REV1: variants seen among roughly 807,000 people sequenced by gnomAD.
REV1 encodes the protein REV1 DNA directed polymerase, also known as translesion synthesis protein REV1.
Under a neutral mutation model 137.4 loss-of-function variants are expected in REV1, and 42 were observed. The ratio of observed to expected loss-of-function variants is 0.31; its 90% CI spans 0.24 to 0.40. REV1 has a LOEUF of 0.40. Among genes scored for constraint, REV1 ranks in the 10% least tolerant of loss-of-function variants. REV1 has a pLI of 1.00. For missense variants in REV1, 1,282 were observed against 1,490.1 expected (o/e 0.86, Z 2.30); for synonymous variants, 524 against 519.2 (o/e 1.01, Z -0.12).
At chr2:99,431,621 G>T in intron 8 of REV1, 1 of 596,158 alleles carries the variant, frequency 1.7e-6, no homozygotes, top group Non-Finnish European at 2.1e-6. Context: ...CTAAGATATT[G>T]TCTTGAAAAT....
intron 1 of REV1, among the ~76,000 whole-genome samples, chr2:99,479,326 C>CA (rs60839666): frequency 0.18 from 17,260 of 96,646 alleles, 1,691 homozygotes; most frequent in African/African-American, 0.3. Context: ...GACTCTGTCT[C>CA]AAAAAAAAAA....
chr2:99,459,096 T>A (rs1170367286), intron 3 of REV1, among the ~76,000 whole-genome samples: 2 of 151,912 alleles, frequency 1.3e-5, no homozygotes, highest in East Asian at 3.9e-4. Flanking sequence ...TAGTCCCAGC[T>A]ACTCGGGAGG....
At chr2:99,457,328 G>A (rs571817158) in intron 3 of REV1, among the ~76,000 whole-genome samples, 2 of 152,282 alleles carry the variant, frequency 1.3e-5, no homozygotes, top group African/African-American at 4.8e-5. Context: ...TGATCTACAG[G>A]TTTAATGTAA....
At chr2:99,472,708 T>C (rs750026851) in intron 1 of REV1, among the ~76,000 whole-genome samples, 2 of 152,198 alleles carry the variant, frequency 1.3e-5, no homozygotes, top group South Asian at 4.1e-4. Flanking sequence ...TTACTTTGAA[T>C]TGGCAGTAGT....
At chr2:99,427,117 GGTT>G (rs1679491615) in intron 9 of REV1, among the ~76,000 whole-genome samples, 1 of 152,120 alleles carries the variant, frequency 6.6e-6, no homozygotes, top group Non-Finnish European at 1.5e-5. Context: ...GGGAGGCAGG[GGTT>G]GCAGTGAGCC....
intron 12 of REV1, 129 bp from the exon 13 acceptor site, chr2:99,413,080 A>ACT: frequency 1.4e-6 from 1 of 693,206 alleles, no homozygotes. Flanking sequence ...AGGCAACATA[A>ACT]CTGAAGCATC....
intron 3 of REV1, among the ~76,000 whole-genome samples, chr2:99,454,277 C>A (rs529762233): frequency 6.6e-6 from 1 of 151,910 alleles, no homozygotes; most frequent in Non-Finnish European, 1.5e-5. Context: ...AGGCTGGGCA[C>A]GGTGGGTCAC....
chr2:99,401,549 C>G (rs1315760095), intron 22 of REV1, among the ~76,000 whole-genome samples, 197 bp from the exon 23 acceptor site: 1 of 151,666 alleles, frequency 6.6e-6, no homozygotes, highest in African/African-American at 2.4e-5. Context: ...GAGTTTGAGA[C>G]CAGCCTGGCC....
At chr2:99,459,590 T>C (rs1683941193) in intron 3 of REV1, among the ~76,000 whole-genome samples, 1 of 151,782 alleles carries the variant, frequency 6.6e-6, no homozygotes, top group South Asian at 2.1e-4. Flanking sequence ...CTTGAGGTCC[T>C]AGCTACTTGG....
intron 4 of REV1, among the ~76,000 whole-genome samples, chr2:99,443,920 G>A (rs373482406): frequency 1.3e-5 from 2 of 151,464 alleles, no homozygotes; most frequent in Non-Finnish European, 2.9e-5. Context: ...TCGGCTTCAC[G>A]CCATTCTCCT....
chr2:99,403,751 T>C lies in REV1; in HGVS notation c.3110A>G (p.Asp1037Gly), dbSNP rs1559276616. The part of the protein sequence containing the change: ...ELQRELKAAY[D>G]QRQRQGENST... The stretch of plus-strand genomic sequence containing the variant: ...GTTCTCGCCCTGCCTTTGTCTTTGA[T>C]CATACGCTGCTTTCAGCTCCCTCTG... The change falls in exon 19 of 23, where the codon GAT becomes GGT. Residue 1037 changes from aspartate to glycine, a missense_variant. By Grantham distance (94) the Asp-to-Gly change is moderately conservative. Transcript: ENST00000258428. The C allele has an allele frequency of 6.2e-7, 1 of 1,614,206 alleles. No homozygotes were observed. Among genetic ancestry groups the C allele is most frequent in the East Asian group, 2.2e-5 (1 of 44,886 alleles).
intron 11 of REV1, among the ~76,000 whole-genome samples, chr2:99,419,328 T>C (rs1678342107): frequency 6.6e-6 from 1 of 150,376 alleles, no homozygotes; most frequent in Admixed American, 6.7e-5. Flanking sequence ...TTCTCCTGCC[T>C]CAGCCTCCCG....
At chr2:99,423,177 C>T (rs1276958439) in intron 10 of REV1, among the ~76,000 whole-genome samples, 1 of 152,182 alleles carries the variant, frequency 6.6e-6, no homozygotes, top group Non-Finnish European at 1.5e-5. Context: ...AGCAAGCTCC[C>T]ACAAGGGCAA....
intron 8 of REV1, among the ~76,000 whole-genome samples, chr2:99,430,322 G>T (rs538975569): frequency 6.6e-6 from 1 of 152,008 alleles, no homozygotes; most frequent in African/African-American, 2.4e-5. Flanking sequence ...TACAGCTCTC[G>T]GTAGTGGGGA....
At chr2:99,483,331 G>A (rs1275488351) in intron 1 of REV1, among the ~76,000 whole-genome samples, 1 of 152,196 alleles carries the variant, frequency 6.6e-6, no homozygotes, top group African/African-American at 2.4e-5. Context: ...CTTAGAGAAT[G>A]TAAGATGCAG....
intron 14 of REV1, 60 bp downstream of exon 14, chr2:99,410,635 T>C (rs1348416310): frequency 8.6e-6 from 12 of 1,396,128 alleles, no homozygotes; most frequent in East Asian, 2.4e-5. Context: ...TCATTTTCTA[T>C]TACTTACAAC....
intron 3 of REV1, among the ~76,000 whole-genome samples, chr2:99,455,662 T>C (rs1229553664): frequency 6.6e-6 from 1 of 152,126 alleles, no homozygotes; most frequent in Non-Finnish European, 1.5e-5. Context: ...AGGAGAGATA[T>C]TATATATCCA....
intron 1 of REV1, among the ~76,000 whole-genome samples, chr2:99,486,484 G>A (rs1351141083): frequency 6.6e-6 from 1 of 151,580 alleles, no homozygotes; most frequent in African/African-American, 2.4e-5. Flanking sequence ...AGCCAAGATG[G>A]TGCCACTGCA....
chr2:99,474,704 C>T (rs537212568), intron 1 of REV1, among the ~76,000 whole-genome samples: 326 of 152,178 alleles, frequency 2.1e-3, no homozygotes, highest in African/African-American at 6.8e-3. Context: ...AAGTTTGAGA[C>T]CAGCCTGACC....
Sources: allele counts gnomAD v4.1 joint callset (sites outside exome capture counted in the v4.1 genomes callset), GRCh38; gene constraint gnomAD v4.1.1; transcripts MANE v1.5; gene names NCBI Gene and HGNC (gene_info 2026-07-23, HGNC 2026-07-21).